MYO3B: variants seen among roughly 807,000 people sequenced by gnomAD.
The protein encoded by MYO3B is myosin-IIIb.
Under a neutral mutation model 174.6 loss-of-function variants are expected in MYO3B, and 156 were observed. That is an observed-to-expected ratio of 0.89 (90% confidence interval 0.78 to 1.02). MYO3B has a LOEUF of 1.02. MYO3B is among the 50% of genes least tolerant of loss of function. MYO3B has a pLI of 0.00. For missense variants in MYO3B, 1,632 were observed against 1,639.4 expected, an observed-to-expected ratio of 1.00 and a Z score of 0.08; for synonymous variants, 563 against 569.1, an observed-to-expected ratio of 0.99 and a Z score of 0.15.
chr2:170,187,299 C>A (rs2092477867), intron 1 of MYO3B, among the ~76,000 whole-genome samples: 1 of 152,066 alleles, frequency 6.6e-6, no homozygotes, highest in Non-Finnish European at 1.5e-5. Flanking sequence ...GTGACACAGT[C>A]TTGGCTCACT....
chr2:170,244,993 G>A (rs1378735120), intron 7 of MYO3B, among the ~76,000 whole-genome samples: 1 of 152,102 alleles, frequency 6.6e-6, no homozygotes, highest in South Asian at 2.1e-4. Context: ...CACTGGCTGG[G>A]GTAAAATTGT....
intron 29 of MYO3B, among the ~76,000 whole-genome samples, chr2:170,515,571 G>A (rs752769055): frequency 3.9e-5 from 6 of 152,002 alleles, no homozygotes; most frequent in Non-Finnish European, 2.9e-5. Flanking sequence ...GAGACAATTG[G>A]ACTAAATCAT....
chr2:170,277,212 G>A (rs762755005), intron 7 of MYO3B, among the ~76,000 whole-genome samples: 4 of 152,170 alleles, frequency 2.6e-5, no homozygotes, highest in Non-Finnish European at 4.4e-5. Flanking sequence ...TTTAGCAGTA[G>A]GTTTGGGGGC....
At chr2:170,645,031 C>A (rs1466827880) in intron 32 of MYO3B, among the ~76,000 whole-genome samples, 3 of 152,036 alleles carry the variant, frequency 2.0e-5, no homozygotes, top group Admixed American at 2.0e-4. Context: ...ACATAATATA[C>A]CTTTAAAAGC....
chr2:170,609,478 T>G (rs1695008506), intron 32 of MYO3B, among the ~76,000 whole-genome samples: 1 of 152,304 alleles, frequency 6.6e-6, no homozygotes, highest in African/African-American at 2.4e-5. Flanking sequence ...CTTCACTGTG[T>G]GCAGGTGTGG....
At chr2:170,217,539 G>T in intron 6 of MYO3B, 144 bp downstream of exon 6, 3 of 725,076 alleles carry the variant, frequency 4.1e-6, no homozygotes, top group Non-Finnish European at 7.4e-6. Context: ...GTACTAGTTT[G>T]GTCAGCGATG....
intron 9 of MYO3B, among the ~76,000 whole-genome samples, chr2:170,370,973 C>G (rs1457973215): frequency 6.6e-6 from 1 of 151,616 alleles, no homozygotes; most frequent in East Asian, 1.9e-4. Flanking sequence ...AATCCCAGCA[C>G]TTTGGGAGGC....
intron 30 of MYO3B, among the ~76,000 whole-genome samples, chr2:170,531,803 GGAAGA>G (rs1052816120): frequency 1.3e-5 from 2 of 151,996 alleles, no homozygotes; most frequent in African/African-American, 4.8e-5. Context: ...AAGGAAGGAA[GGAAGA>G]GAAGAGGCTG....
intron 1 of MYO3B, among the ~76,000 whole-genome samples, chr2:170,179,871 C>T (rs2092376022): frequency 6.6e-6 from 1 of 152,148 alleles, no homozygotes; most frequent in South Asian, 2.1e-4. Flanking sequence ...CTGTGTATCT[C>T]TGGGTGTTAT....
intron 32 of MYO3B, among the ~76,000 whole-genome samples, chr2:170,576,843 A>G (rs1446155119): frequency 6.6e-6 from 1 of 152,106 alleles, no homozygotes; most frequent in Non-Finnish European, 1.5e-5. Context: ...TCATTCCTGA[A>G]GGGTCTGAAT....
At chr2:170,317,180 A>T (rs1012251300) in intron 7 of MYO3B, among the ~76,000 whole-genome samples, 2 of 152,150 alleles carry the variant, frequency 1.3e-5, no homozygotes, top group African/African-American at 2.4e-5. Context: ...GGTCTCATTG[A>T]GATGTGGTTA....
At chr2:170,606,855 G>A (rs921816386) in intron 32 of MYO3B, among the ~76,000 whole-genome samples, 5 of 151,898 alleles carry the variant, frequency 3.3e-5, no homozygotes, top group South Asian at 2.1e-4. Flanking sequence ...ACCGTGTCTC[G>A]ACAGAAAATA....
At chr2:170,426,976 C>T (rs1328995929) in intron 22 of MYO3B, among the ~76,000 whole-genome samples, 2 of 151,920 alleles carry the variant, frequency 1.3e-5, no homozygotes. Context: ...CGAGATTGCG[C>T]CATTGCACTC....
intron 32 of MYO3B, among the ~76,000 whole-genome samples, chr2:170,554,352 G>A (rs1395866638): frequency 1.3e-5 from 2 of 152,196 alleles, no homozygotes; most frequent in African/African-American, 4.8e-5. Context: ...GGAAGAACAA[G>A]GGATGTACTC....
intron 32 of MYO3B, among the ~76,000 whole-genome samples, chr2:170,572,789 T>C (rs1692526624): frequency 6.6e-6 from 1 of 152,190 alleles, no homozygotes; most frequent in Admixed American, 6.5e-5. Context: ...ACAAATATGT[T>C]TTGCTTAGTT....
chr2:170,547,058 G>A (rs913558130), intron 32 of MYO3B, among the ~76,000 whole-genome samples: 25 of 151,952 alleles, frequency 1.6e-4, no homozygotes, highest in South Asian at 4.2e-4. Flanking sequence ...GGTGGCTCAC[G>A]CCTGTAATCC....
At chr2:170,640,977 C>T (rs948358290) in intron 32 of MYO3B, 29 of 152,138 alleles carry the variant, frequency 1.9e-4, no homozygotes, top group African/African-American at 6.5e-4. Context: ...GAGGTAGATA[C>T]GTGACAAAAG....
chr2:170,392,879 A>C (rs542329227), intron 16 of MYO3B, among the ~76,000 whole-genome samples: 36 of 104,286 alleles, frequency 3.5e-4, no homozygotes, highest in Admixed American at 2.7e-3. Context: ...TTTCTGATTG[A>C]GCGTTCTTCC....
chr2:170,270,125 CA>C (rs1054531824), intron 7 of MYO3B, among the ~76,000 whole-genome samples: 1 of 152,140 alleles, frequency 6.6e-6, no homozygotes, highest in Non-Finnish European at 1.5e-5. Context: ...GGATATACAT[CA>C]AATGGTTAAC....
Sources: gnomAD v4.1 joint callset for allele counts (sites outside exome capture counted in the v4.1 genomes callset) on GRCh38, gnomAD v4.1.1 for gene constraint, MANE v1.5 for transcripts, NCBI Gene and HGNC (gene_info 2026-07-23, HGNC 2026-07-21) for gene names.